MRTFB: variants seen among roughly 807,000 people sequenced by gnomAD.
The protein encoded by MRTFB is myocardin-related transcription factor B.
Under a neutral mutation model 104.2 loss-of-function variants are expected in MRTFB, and 29 were observed. The observed-to-expected ratio is 0.28, with a 90% CI of 0.21 to 0.38. The LOEUF (loss-of-function observed/expected upper bound fraction) is 0.38, where lower values mean the gene tolerates loss of function less well. Among genes scored for constraint, MRTFB ranks in the 10% least tolerant of loss-of-function variants. The pLI is 1.00. For missense variants in MRTFB, 1,270 were observed against 1,341.6 expected (o/e 0.95, Z 0.83); for synonymous variants, 535 against 519.5 (o/e 1.03, Z -0.41).
chr16:14,032,655 C>T, the MRTFB span, among the ~76,000 whole-genome samples: 2 of 152,174 alleles, frequency 1.3e-5, no homozygotes, highest in Non-Finnish European at 2.9e-5. Context: ...TGGAGACCCA[C>T]TACTTGTGAT....
intron 3 of MRTFB, among the ~76,000 whole-genome samples, chr16:14,147,420 A>T (rs79907150): frequency 0.024 from 3,701 of 152,280 alleles, 168 homozygotes; most frequent in African/African-American, 0.084. Flanking sequence ...CTTTCATAAT[A>T]ACCTTTATGA....
chr16:13,998,335 A>T, the MRTFB span, among the ~76,000 whole-genome samples: 20 of 152,250 alleles, frequency 1.3e-4, no homozygotes, highest in South Asian at 4.1e-3. Flanking sequence ...TAGAACTTAG[A>T]GCCCCAGGTA....
At position 14,246,701 on chromosome 16, in the gene MRTFB, C is replaced by G; in HGVS notation, c.1441C>G (p.Leu481Val). The change falls in exon 12 of 17, where the codon CTC becomes GTC. Residue 481 changes from leucine (L) to valine (V), a missense_variant. By Grantham distance (32) the Leu-to-Val change is conservative. This residue lies in a region of MRTFB where 1,144 missense variants were observed against 1,131.5 expected (regional missense o/e 1.01). Transcript: ENST00000571589. ...CACTGTGACTAGCTCAGTCTCTACT[C>G]TCAAGGCAGAATTGCCACCTACAGG... ...HNTVTSSVST[L>V]KAELPPTGTS... is the part of the protein sequence containing the mutation. 6.2e-7 allele frequency: 1 copy of G among 1,614,212 alleles called. No homozygotes were observed. Among genetic ancestry groups the G allele is most frequent in the South Asian group, 1.1e-5 (1 of 91,074 alleles).
chr16:14,009,459 CAG>C, the MRTFB span: 2 of 152,212 alleles, frequency 1.3e-5, no homozygotes, highest in African/African-American at 4.8e-5. Flanking sequence ...AACTGTCAAA[CAG>C]AGACAGTTTT....
At chr16:14,188,024 GCTT>G (rs952051151) in intron 3 of MRTFB, among the ~76,000 whole-genome samples, 11 of 152,146 alleles carry the variant, frequency 7.2e-5, no homozygotes, top group African/African-American at 2.7e-4. Context: ...AGTGCTTTGA[GCTT>G]CTTCTAAAAG....
intron 3 of MRTFB, among the ~76,000 whole-genome samples, chr16:14,208,689 C>T (rs1392545517): frequency 3.3e-5 from 5 of 152,134 alleles, no homozygotes; most frequent in East Asian, 1.9e-4. Flanking sequence ...TGTTAAAGTA[C>T]GCAGGTCTTT....
upstream of MRTFB, among the ~76,000 whole-genome samples, chr16:14,067,012 C>T (rs72783430): frequency 0.15 from 22,194 of 151,916 alleles, 2,214 homozygotes; most frequent in Non-Finnish European, 0.22. Flanking sequence ...CAAAGAATAA[C>T]GCCCCGTGGT....
At chr16:14,028,190 AC>A in the MRTFB span, among the ~76,000 whole-genome samples, 1,288 of 151,164 alleles carry the variant, frequency 8.5e-3, 20 homozygotes, top group Non-Finnish European at 7.6e-3. Flanking sequence ...AAACAAAAAA[AC>A]AAACAAACAC....
rs924030649 is a variant in MRTFB at position 14,134,563 on chromosome 16, C to T, written c.-63-5981C>T. ...AACTGCCTGTTTGACTAGGTCTTGCCTCCTTTGAGAGCAGGGATCATGATT... is the reference window on the plus strand; with the variant it reads ...AACTGCCTGTTTGACTAGGTCTTGCTTCCTTTGAGAGCAGGGATCATGATT... On this transcript the variant is annotated intron_variant, in intron 2 of 16. Transcript: ENST00000571589. Among the ~76,000 whole-genome samples the T allele has an allele frequency of 2.6e-5, 4 of 152,334 alleles. No homozygotes were observed. In the South Asian group the frequency reaches 6.2e-4, roughly 24 times the overall value.
intron 3 of MRTFB, among the ~76,000 whole-genome samples, chr16:14,184,244 A>C (rs1245911970): frequency 7.2e-6 from 1 of 138,488 alleles, no homozygotes; most frequent in Non-Finnish European, 1.5e-5. Context: ...TTTTTTTGAG[A>C]TGGAGTCTCA....
At chr16:14,082,560 T>C (rs1168046695) in intron 2 of MRTFB, among the ~76,000 whole-genome samples, 2 of 152,154 alleles carry the variant, frequency 1.3e-5, no homozygotes, top group Admixed American at 6.5e-5. Flanking sequence ...GGTGGGAGGA[T>C]AGTTTGAAAA....
intron 3 of MRTFB, chr16:14,144,213 A>G (rs2038173020): frequency 6.6e-6 from 1 of 152,224 alleles, no homozygotes. Context: ...ATGAAAGAAC[A>G]TCTCATTCTG....
At chr16:14,256,110 C>CA (rs201182839) in intron 15 of MRTFB, among the ~76,000 whole-genome samples, 20,435 of 73,006 alleles carry the variant, frequency 0.28, 2,027 homozygotes, top group East Asian at 0.43. Flanking sequence ...GAGACTGTCT[C>CA]AAAAAAAAAA....
At chr16:14,135,029 A>G (rs1647910548) in intron 2 of MRTFB, among the ~76,000 whole-genome samples, 2 of 152,180 alleles carry the variant, frequency 1.3e-5, no homozygotes, top group Admixed American at 1.3e-4. Flanking sequence ...TTAAATTAGG[A>G]AACTAGGTCT....
At chr16:14,210,341 G>A (rs374459858) in intron 4 of MRTFB, 33 bp downstream of exon 4, 56 of 1,565,654 alleles carry the variant, frequency 3.6e-5, no homozygotes, top group African/African-American at 1.4e-4. Context: ...CATCCCTAAC[G>A]TGACAGAACA....
chr16:14,097,960 G>T (rs1012737273), intron 2 of MRTFB, among the ~76,000 whole-genome samples: 3 of 151,984 alleles, frequency 2.0e-5, no homozygotes, highest in Non-Finnish European at 2.9e-5. Context: ...GCCACAATTT[G>T]TATATCTGTT....
At chr16:14,144,986 A>G (rs1048092348) in intron 3 of MRTFB, among the ~76,000 whole-genome samples, 5 of 104,432 alleles carry the variant, frequency 4.8e-5, no homozygotes, top group Non-Finnish European at 8.1e-5. Flanking sequence ...ACATACATAT[A>G]TATATATATG....
At chr16:14,052,052 C>T in the MRTFB span, among the ~76,000 whole-genome samples, 2 of 152,146 alleles carry the variant, frequency 1.3e-5, no homozygotes, top group Admixed American at 1.3e-4. Flanking sequence ...ATTTCCCCAT[C>T]CATGTGAAGC....
chr16:14,040,690 T>C, the MRTFB span, among the ~76,000 whole-genome samples: 1 of 152,128 alleles, frequency 6.6e-6, no homozygotes, highest in Admixed American at 6.6e-5. Flanking sequence ...ACTGAACCTC[T>C]GACCTCAAGT....
Sources: gnomAD v4.1 joint callset for allele counts (sites outside exome capture counted in the v4.1 genomes callset) on GRCh38, gnomAD v4.1.1 for gene constraint, gnomAD v4.1.1 regional missense constraint, MANE v1.5 for transcripts, NCBI Gene and HGNC (gene_info 2026-07-23, HGNC 2026-07-21) for gene names.